The following PRPSAP1 variants were observed in gnomAD, a reference collection of about 807,000 sequenced individuals.
The protein encoded by PRPSAP1 is phosphoribosyl pyrophosphate synthase-associated protein 1.
PRPSAP1 carries 31 observed loss-of-function variants against 39.4 expected under a neutral mutation model. That is an observed-to-expected ratio of 0.79 (90% CI 0.59 to 1.06). The LOEUF is 1.06. PRPSAP1 is among the 50% of genes least tolerant of loss of function. The pLI is 0.00. For missense variants in PRPSAP1, 430 were observed against 511.6 expected, an observed-to-expected ratio of 0.84 and a Z score of 1.54; for synonymous variants, 212 against 192.6, an observed-to-expected ratio of 1.10 and a Z score of -0.83.
At chr17:76,324,905 CAA>C (rs775094160) in intron 7 of PRPSAP1, among the ~76,000 whole-genome samples, 2 of 130,596 alleles carry the variant, frequency 1.5e-5, no homozygotes, top group East Asian at 2.3e-4. Flanking sequence ...ACTAAAAATA[CAA>C]AAAAAAAAAA....
rs1407665324 is a variant in PRPSAP1, at chr17:76,311,712, G to A, written c.1000-12C>T. ...TTCGTCACCACCACCTAGTCACACA[G>A]TGATGGAAAACAAACGCTGTTACTG... On this transcript the variant is annotated splice_polypyrimidine_tract_variant and intron_variant, in intron 9 of 9. Coordinates refer to ENST00000446526, the MANE Select transcript of PRPSAP1 (RefSeq NM_002766.3). 1.9e-6 allele frequency: 3 copies of A among 1,609,650 alleles called. No homozygotes were observed. In the Admixed American group the frequency reaches 5.1e-5, roughly 27 times the overall value.
intron 1 of PRPSAP1, among the ~76,000 whole-genome samples, chr17:76,352,472 A>C (rs994388689): frequency 6.6e-6 from 1 of 151,832 alleles, no homozygotes; most frequent in African/African-American, 2.4e-5. Context: ...GGTGAAACCC[A>C]GTCTCTACTA....
intron 3 of PRPSAP1, among the ~76,000 whole-genome samples, chr17:76,340,755 T>C (rs1038790847): frequency 8.6e-5 from 13 of 151,988 alleles, no homozygotes; most frequent in African/African-American, 2.9e-4. Flanking sequence ...CCGGGCGTAG[T>C]GGCACATGCC....
chr17:76,347,776 TC>T (rs1476332765), intron 2 of PRPSAP1, among the ~76,000 whole-genome samples: 1 of 151,906 alleles, frequency 6.6e-6, no homozygotes, highest in Non-Finnish European at 1.5e-5. Context: ...TTGGAAGGTG[TC>T]TAGCAAGCAG....
At chr17:76,347,377 C>CT (rs2071517733) in intron 2 of PRPSAP1, among the ~76,000 whole-genome samples, 1 of 146,922 alleles carries the variant, frequency 6.8e-6, no homozygotes, top group Non-Finnish European at 1.5e-5. Flanking sequence ...ATCCCAGCTA[C>CT]TTGGGAGGCT....
At chr17:76,342,167 T>C (rs1038258451) in intron 3 of PRPSAP1, among the ~76,000 whole-genome samples, 1 of 152,062 alleles carries the variant, frequency 6.6e-6, no homozygotes, top group Non-Finnish European at 1.5e-5. Flanking sequence ...ATGATGTATA[T>C]ACGATGAGGC....
At chr17:76,314,818 C>G (rs1175261162) in intron 7 of PRPSAP1, 1 of 152,240 alleles carries the variant, frequency 6.6e-6, no homozygotes, top group Non-Finnish European at 1.5e-5. Flanking sequence ...ACCAGCAGAG[C>G]ATGGAAGATT....
At chr17:76,338,907 C>T (rs1366283187) in intron 3 of PRPSAP1, among the ~76,000 whole-genome samples, 2 of 151,778 alleles carry the variant, frequency 1.3e-5, no homozygotes, top group Non-Finnish European at 2.9e-5. Flanking sequence ...GTGGTACATG[C>T]CAGTAATCCC....
chr17:76,345,953 G>T, intron 2 of PRPSAP1: 1 of 467,212 alleles, frequency 2.1e-6, no homozygotes, highest in South Asian at 1.5e-5. Flanking sequence ...TCCAAAGCCA[G>T]AGCCCAGGCC....
At chr17:76,353,958 G>C (rs2071615176), upstream of PRPSAP1, 1 of 1,303,254 alleles carries the variant, frequency 7.7e-7, no homozygotes, top group South Asian at 2.2e-5. Context: ...GCGTCGGCTA[G>C]AGCGCCCTCA....
intron 2 of PRPSAP1, among the ~76,000 whole-genome samples, chr17:76,347,769 G>C (rs1466073462): frequency 6.6e-6 from 1 of 152,084 alleles, no homozygotes; most frequent in Non-Finnish European, 1.5e-5. Flanking sequence ...GTCTGTTTTG[G>C]AAGGTGTCTA....
intron 7 of PRPSAP1, among the ~76,000 whole-genome samples, chr17:76,327,946 G>A (rs1310695565): frequency 6.6e-6 from 1 of 152,140 alleles, no homozygotes; most frequent in Middle Eastern, 3.4e-3. Flanking sequence ...CATTTTGGGA[G>A]ACCATGACAG....
chr17:76,325,733 T>C (rs867706332), intron 7 of PRPSAP1, among the ~76,000 whole-genome samples: 2 of 151,094 alleles, frequency 1.3e-5, no homozygotes, highest in Admixed American at 6.6e-5. Context: ...AGCCACCCGG[T>C]AGCTGGGACT....
intron 3 of PRPSAP1, among the ~76,000 whole-genome samples, chr17:76,338,322 C>T (rs2071400372): frequency 6.6e-6 from 1 of 152,112 alleles, no homozygotes; most frequent in South Asian, 2.1e-4. Context: ...CTAAAATTAG[C>T]CTTATTACTT....
chr17:76,353,841 C>G lies in PRPSAP1; in HGVS notation c.-138G>C. On this transcript the variant is annotated 5_prime_UTR_variant, in exon 1 of 10. Transcript: ENST00000446526. ...CGGGGAGAGCTCCGAGGTCCGTGCC[C>G]TTGCGCACCCCACACCACTGACTAC... 7.3e-7 allele frequency: 1 copy of G among 1,376,326 alleles called. No homozygotes were observed. The highest frequency in any genetic ancestry group is 9.3e-7 in the Non-Finnish European group (1 of 1,072,812). The allele number at this position is 1,376,326 out of a possible 1,614,324, so 85.3% of individuals were successfully genotyped here.
In PRPSAP1 at chr17:76,340,371, T is replaced by C. The variant is rs148012424; in HGVS notation, c.290+4300A>G. Among the ~76,000 whole-genome samples the C allele has an allele frequency of 8.4e-3, 1,279 of 151,822 alleles. 13 individuals are homozygous for C. The highest frequency in any genetic ancestry group is 0.037 in the Middle Eastern group (11 of 294). The stretch of plus-strand genomic sequence containing the variant: ...GGCTATTAACTAAGTCATTTCTTCA[T>C]GCTTCTTTTGTCCCTTCCCTGGAAG... On this transcript the variant is annotated intron_variant, in intron 3 of 9. Transcript: ENST00000446526.
At position 76,310,283 on chromosome 17, in the gene PRPSAP1, C is replaced by G. The variant is rs1374553271; in HGVS notation, c.*1259G>C. On this transcript the variant is annotated 3_prime_UTR_variant, in exon 10 of 10. Transcript: ENST00000446526. ...AAGTGCTGGGATTACAGGCGTGAGCCATGATGCCTGGCCTCTTTGTAGTCT... is the reference window on the plus strand; with the variant it reads ...AAGTGCTGGGATTACAGGCGTGAGCGATGATGCCTGGCCTCTTTGTAGTCT... The G allele has an allele frequency of 6.8e-6, 1 of 147,708 alleles. No individual in the cohort carries two copies. The highest frequency in any genetic ancestry group is 2.6e-5 in the African/African-American group (1 of 38,050). The allele number at this position is 147,708 out of a possible 1,614,324, so 9.1% of individuals were successfully genotyped here. A position where few individuals can be genotyped will look rare whatever the true frequency, so the allele number is the denominator to read the frequency against.
At position 76,328,792 on chromosome 17, in the gene PRPSAP1, G is replaced by A. The variant is rs1366916863; in HGVS notation, c.706C>T (p.Leu236=). The A allele has an allele frequency of 1.9e-6, 3 of 1,614,144 alleles. No individual in the cohort carries two copies. Among genetic ancestry groups the A allele is most frequent in the Non-Finnish European group, 2.5e-6 (3 of 1,180,024 alleles). Residue 236 remains leucine, a synonymous_variant, in exon 7 of 10, where the codon CTG becomes TTG. Coordinates refer to ENST00000446526, the MANE Select transcript of PRPSAP1 (RefSeq NM_002766.3). ...GAGTGACGACCATCGTCCATGTCCA[G>A]TTCCGTGCACTGAGCTTCCCCGTGA... ...VIHGEAQCTE[L]DMDDGRHSPP...
At chr17:76,329,148 C>T (rs1477390065) in intron 6 of PRPSAP1, among the ~76,000 whole-genome samples, 3 of 151,610 alleles carry the variant, frequency 2.0e-5, no homozygotes, top group African/African-American at 7.3e-5. Flanking sequence ...TGGCTCACTG[C>T]AGCCTCAACC....
Sources: gnomAD v4.1 joint callset for allele counts (sites outside exome capture counted in the v4.1 genomes callset) on GRCh38, gnomAD v4.1.1 for gene constraint, MANE v1.5 for transcripts, NCBI Gene and HGNC (gene_info 2026-07-23, HGNC 2026-07-21) for gene names.